ATP2B2: variants seen among roughly 807,000 people sequenced by gnomAD.
The protein encoded by ATP2B2 is ATPase plasma membrane Ca2+ transporting 2, also known as plasma membrane calcium-transporting ATPase 2.
In ATP2B2, 15 loss-of-function variants were observed where a neutral mutation model predicts 120.0. The ratio of observed to expected loss-of-function variants is 0.12; its 90% CI spans 0.08 to 0.19. The LOEUF (loss-of-function observed/expected upper bound fraction) is 0.19. Among genes scored for constraint, ATP2B2 ranks in the 10% least tolerant of loss-of-function variants. The pLI is 1.00. For missense variants in ATP2B2, 1,045 were observed against 1,719.8 expected, an observed-to-expected ratio of 0.61 and a Z score of 6.94; for synonymous variants, 694 against 700.3, an observed-to-expected ratio of 0.99 and a Z score of 0.14.
At chr3:10,448,554 A>T (rs1273415562) in intron 2 of ATP2B2, among the ~76,000 whole-genome samples, 2 of 152,162 alleles carry the variant, frequency 1.3e-5, no homozygotes, top group East Asian at 3.8e-4. Flanking sequence ...GGTCCCTTCC[A>T]GAAAAGCCCC....
Position 10,347,046 on chromosome 3 carries a change from C to G in ATP2B2, c.2405-909G>C, listed in dbSNP as rs1185369852. On this transcript the variant is annotated intron_variant, in intron 16 of 22. Transcript: ENST00000360273. The surrounding 1 kb of genome is among the most constrained non-coding windows in gnomAD (Gnocchi z 5.2). ...ATCTCTCTAACACCCATGTCTGAAC[C>G]AGTTCCGTCCCCCAGCCATCCCCGG... Among the ~76,000 whole-genome samples the G allele has an allele frequency of 6.6e-6, 1 of 152,176 alleles. No individual in the cohort carries two copies. The highest frequency in any genetic ancestry group is 1.5e-5 in the Non-Finnish European group (1 of 68,024).
intron 1 of ATP2B2, among the ~76,000 whole-genome samples, chr3:10,644,009 G>A (rs1010981281): frequency 2.0e-5 from 3 of 152,128 alleles, no homozygotes; most frequent in African/African-American, 7.2e-5. Flanking sequence ...GGGAGAACAG[G>A]CTTGCAGATC....
Position 10,342,337 on chromosome 3 carries a change from C to A in ATP2B2, c.2917+415G>T, listed in dbSNP as rs1310754815. 6.6e-6 allele frequency among the ~76,000 whole-genome samples: 1 copy of A among 151,946 alleles called. No homozygotes were observed. The highest frequency in any genetic ancestry group is 1.5e-5 in the Non-Finnish European group (1 of 67,958). ...GTCGGTGGTGGTGTGAGCGTGTATG[C>A]CCTGCCCCAGGAAGCCTTGCTGAGG... On this transcript the variant is annotated intron_variant, in intron 19 of 22. Coordinates refer to ENST00000360273, the MANE Select transcript of ATP2B2 (RefSeq NM_001001331.4). This position sits in a 1 kb window ranked among gnomAD's most constrained non-coding sequence, Gnocchi z 4.4.
intron 2 of ATP2B2, among the ~76,000 whole-genome samples, chr3:10,565,506 A>G (rs1201557381): frequency 6.6e-6 from 1 of 152,092 alleles, no homozygotes; most frequent in Non-Finnish European, 1.5e-5. Context: ...TGTTGCCTAG[A>G]CTACTGCAAC....
intron 1 of ATP2B2, among the ~76,000 whole-genome samples, chr3:10,660,175 A>G (rs1268351107): frequency 6.6e-6 from 1 of 152,214 alleles, no homozygotes. Context: ...CCCTAACATC[A>G]CAATTAAAAG....
chr3:10,589,563 A>G (rs1045843824), intron 2 of ATP2B2, among the ~76,000 whole-genome samples: 2 of 152,194 alleles, frequency 1.3e-5, no homozygotes, highest in African/African-American at 2.4e-5. Flanking sequence ...CAGGCAATCA[A>G]GTTTCCAAAC....
intron 1 of ATP2B2, among the ~76,000 whole-genome samples, chr3:10,627,746 C>A (rs913279950): frequency 2.6e-5 from 4 of 152,184 alleles, no homozygotes; most frequent in Non-Finnish European, 5.9e-5. Flanking sequence ...ATGTGCCAGG[C>A]CCTCTCCCCT....
At chr3:10,503,645 C>T (rs187329091) in intron 1 of ATP2B2, among the ~76,000 whole-genome samples, 3 of 152,374 alleles carry the variant, frequency 2.0e-5, no homozygotes, top group Admixed American at 6.5e-5. Context: ...GTGCCTGTGG[C>T]CGTCTTCTTA....
chr3:10,456,935 G>A (rs1026805654), intron 1 of ATP2B2, among the ~76,000 whole-genome samples: 2 of 152,218 alleles, frequency 1.3e-5, no homozygotes, highest in African/African-American at 4.8e-5. Context: ...GCAGTTGGGG[G>A]TGGAGGGCCA....
intron 2 of ATP2B2, among the ~76,000 whole-genome samples, chr3:10,412,132 C>T (rs988824927): frequency 2.6e-5 from 4 of 152,252 alleles, no homozygotes; most frequent in African/African-American, 9.6e-5. Context: ...CTTTGCCTTC[C>T]TCCTGCCACA....
intron 1 of ATP2B2, among the ~76,000 whole-genome samples, chr3:10,621,318 C>A (rs889793084): frequency 6.6e-6 from 1 of 152,216 alleles, no homozygotes. Flanking sequence ...AGGGAACCCA[C>A]AGCCACGAGG....
At chr3:10,438,898 A>C (rs982038187) in intron 2 of ATP2B2, among the ~76,000 whole-genome samples, 2 of 152,146 alleles carry the variant, frequency 1.3e-5, no homozygotes, top group African/African-American at 4.8e-5. Context: ...CAGGGAGGAG[A>C]AGTAATTGGA....
chr3:10,602,112 C>T (rs563163297), intron 2 of ATP2B2, among the ~76,000 whole-genome samples: 2 of 152,278 alleles, frequency 1.3e-5, no homozygotes, highest in Admixed American at 6.5e-5. Flanking sequence ...TGGGTTGAAG[C>T]CCCCTCGGAG....
rs2067992273 is a variant in ATP2B2, at chr3:10,565,563, T to G, written c.-414-31430A>C. ...CCCTCCAGCCCAGACATTACATTGT[T>G]GGGCAAATTATTTTTCTAAACTCAG... is the stretch of plus-strand genomic sequence containing the variant. On this transcript the variant is annotated intron_variant, in intron 2 of 21. Transcript: ENST00000646379. Among the ~76,000 whole-genome samples the G allele has an allele frequency of 2.6e-5, 4 of 152,198 alleles. No individual in the cohort carries two copies. The South Asian group carries it at 8.3e-4, about 32-fold the overall frequency.
At chr3:10,488,306 T>C (rs111215214) in intron 1 of ATP2B2, among the ~76,000 whole-genome samples, 131,631 of 132,404 alleles carry the variant, frequency 0.99, 65,429 homozygotes, top group Admixed American at 1. Context: ...CCCACCTATC[T>C]ATTCATTCAC....
chr3:10,701,030 TAG>T (rs1482957075), intron 1 of ATP2B2, among the ~76,000 whole-genome samples: 2 of 152,192 alleles, frequency 1.3e-5, no homozygotes, highest in Non-Finnish European at 2.9e-5. Flanking sequence ...ATCATGTGGC[TAG>T]AGAGTAAGGA....
At chr3:10,453,555 C>T (rs954515840) in intron 1 of ATP2B2, among the ~76,000 whole-genome samples, 5 of 152,178 alleles carry the variant, frequency 3.3e-5, no homozygotes, top group African/African-American at 9.7e-5. Context: ...TGGTGAATCT[C>T]CCTCATGAGG....
chr3:10,407,728 G>A (rs576543355), intron 3 of ATP2B2, among the ~76,000 whole-genome samples: 1 of 152,298 alleles, frequency 6.6e-6, no homozygotes, highest in South Asian at 2.1e-4. Flanking sequence ...TAGAATTGTG[G>A]GGTGTTGAAC....
chr3:10,519,475 G>A (rs979617363), intron 3 of ATP2B2, among the ~76,000 whole-genome samples: 2 of 152,186 alleles, frequency 1.3e-5, no homozygotes, highest in Non-Finnish European at 2.9e-5. Context: ...TTACAGAGAG[G>A]TATGCTGACG....
Sources: allele counts gnomAD v4.1 joint callset (sites outside exome capture counted in the v4.1 genomes callset), GRCh38; gene constraint gnomAD v4.1.1; non-coding constraint Gnocchi (gnomAD v3.1); transcripts MANE v1.5; gene names NCBI Gene and HGNC (gene_info 2026-07-23, HGNC 2026-07-21).